The following FRMD5 variants were observed in gnomAD, a reference collection of about 807,000 sequenced individuals.
FRMD5 encodes FERM domain containing 5.
In FRMD5, 20 loss-of-function variants were observed where a neutral mutation model predicts 69.0. The observed-to-expected ratio is 0.29, with a 90% confidence interval of 0.20 to 0.42. The LOEUF is 0.42. Ranked by LOEUF, FRMD5 falls within the 10% of genes least tolerant of loss-of-function variation. FRMD5 has a pLI of 1.00. For missense variants in FRMD5, 595 were observed against 708.6 expected, an observed-to-expected ratio of 0.84 and a Z score of 1.82; for synonymous variants, 271 against 260.1, an observed-to-expected ratio of 1.04 and a Z score of -0.40.
In FRMD5 at chr15:44,130,832, T is replaced by C. The variant is rs142946165; in HGVS notation, c.102+64121A>G. ...TGACTCTGGCAAGCAGAAGCCAGCTTAGCATAAACTAGTTGGTGTTTACAT... is the reference window on the plus strand; with the variant it reads ...TGACTCTGGCAAGCAGAAGCCAGCTCAGCATAAACTAGTTGGTGTTTACAT... On this transcript the variant is annotated intron_variant, in intron 1 of 13. Transcript: ENST00000417257. Among the ~76,000 whole-genome samples, 47 of 152,276 alleles carry C rather than the reference T, an allele frequency of 3.1e-4. No homozygotes were observed. The East Asian group carries it at 8.5e-3, about 27-fold the overall frequency.
intron 1 of FRMD5, among the ~76,000 whole-genome samples, chr15:43,979,683 G>A (rs866858326): frequency 5.3e-5 from 8 of 152,258 alleles, no homozygotes; most frequent in Middle Eastern, 6.8e-3. Context: ...AAGTCCAAAT[G>A]AATTGTCATC....
intron 13 of FRMD5, among the ~76,000 whole-genome samples, chr15:43,877,314 A>G (rs1281995482): frequency 6.6e-6 from 1 of 152,230 alleles, no homozygotes; most frequent in Non-Finnish European, 1.5e-5. Flanking sequence ...GTTCAGGGCT[A>G]GCTCCAGAAG....
chr15:44,040,008 C>T (rs1467065070), intron 1 of FRMD5, among the ~76,000 whole-genome samples: 1 of 151,746 alleles, frequency 6.6e-6, no homozygotes, highest in Non-Finnish European at 1.5e-5. Context: ...AAAAACACAG[C>T]ACAAGAAGTG....
chr15:44,144,923 TAGG>T (rs762886745), intron 1 of FRMD5, among the ~76,000 whole-genome samples: 2 of 152,156 alleles, frequency 1.3e-5, no homozygotes, highest in Non-Finnish European at 2.9e-5. Flanking sequence ...GTATGCAGGA[TAGG>T]AGAAGAAAGG....
intron 1 of FRMD5, among the ~76,000 whole-genome samples, chr15:44,023,240 C>G (rs1891290352): frequency 1.3e-5 from 2 of 152,142 alleles, no homozygotes; most frequent in East Asian, 3.9e-4. Flanking sequence ...CATTTCCCCT[C>G]AATTTCCCCA....
chr15:44,003,672 C>T (rs1343016419), intron 1 of FRMD5, among the ~76,000 whole-genome samples: 4 of 152,156 alleles, frequency 2.6e-5, no homozygotes, highest in Non-Finnish European at 5.9e-5. Flanking sequence ...TTCAATCTCA[C>T]TTCAACAAGG....
chr15:44,148,553 G>A (rs555782339), intron 1 of FRMD5, among the ~76,000 whole-genome samples: 5 of 152,266 alleles, frequency 3.3e-5, no homozygotes, highest in African/African-American at 2.4e-5. Context: ...TTACAGGCGT[G>A]AGCCACCGTG....
At chr15:43,900,838 T>C (rs1259506742) in intron 7 of FRMD5, among the ~76,000 whole-genome samples, 1 of 151,938 alleles carries the variant, frequency 6.6e-6, no homozygotes, top group East Asian at 1.9e-4. Flanking sequence ...AGGATGGTCT[T>C]GAACTCCTGA....
chr15:44,188,678 C>A (rs765101657), intron 1 of FRMD5, among the ~76,000 whole-genome samples: 13 of 152,148 alleles, frequency 8.5e-5, no homozygotes, highest in Non-Finnish European at 1.5e-4. Context: ...ATTTTCCATG[C>A]TTTGAGAGGC....
intron 1 of FRMD5, among the ~76,000 whole-genome samples, chr15:44,186,171 C>G (rs2078097938): frequency 6.6e-6 from 1 of 152,322 alleles, no homozygotes; most frequent in South Asian, 2.1e-4. Flanking sequence ...AGGGGATCCA[C>G]CCACCTCGGC....
At chr15:43,949,009 T>A (rs2089987472) in intron 1 of FRMD5, among the ~76,000 whole-genome samples, 1 of 152,228 alleles carries the variant, frequency 6.6e-6, no homozygotes. Context: ...GAATCTAGAA[T>A]TTGGGGACCT....
chr15:43,959,032 G>A (rs2090157394), intron 1 of FRMD5, among the ~76,000 whole-genome samples: 1 of 152,126 alleles, frequency 6.6e-6, no homozygotes, highest in Non-Finnish European at 1.5e-5. Flanking sequence ...GCCTTCTCAA[G>A]CCTTAACACA....
chr15:43,979,108 C>T (rs1216285242), intron 1 of FRMD5, among the ~76,000 whole-genome samples: 3 of 151,936 alleles, frequency 2.0e-5, no homozygotes, highest in Admixed American at 6.6e-5. Flanking sequence ...GAGGCCGAGG[C>T]GGGCTGATCA....
intron 4 of FRMD5, among the ~76,000 whole-genome samples, chr15:43,913,020 C>G (rs1214142928): frequency 6.9e-5 from 9 of 129,500 alleles, no homozygotes; most frequent in Non-Finnish European, 1.6e-5. Context: ...CTGACGAGAG[C>G]AAAACTCCAT....
At chr15:43,972,178 C>G (rs952331563) in intron 1 of FRMD5, among the ~76,000 whole-genome samples, 6 of 151,402 alleles carry the variant, frequency 4.0e-5, no homozygotes, top group African/African-American at 4.8e-5. Flanking sequence ...TGTAGCAGAG[C>G]TCACACCTTG....
chr15:44,196,403 G>T (rs1035478595), upstream of FRMD5, among the ~76,000 whole-genome samples: 1 of 151,888 alleles, frequency 6.6e-6, no homozygotes, highest in African/African-American at 2.4e-5. Context: ...GGCAGAGGTT[G>T]CAGTGAACCA....
intron 1 of FRMD5, among the ~76,000 whole-genome samples, chr15:44,082,270 A>C (rs574852391): frequency 5.3e-5 from 8 of 151,946 alleles, no homozygotes; most frequent in Non-Finnish European, 1.2e-4. Flanking sequence ...TCTATCTGCT[A>C]ATCGAGAATA....
At chr15:43,935,432 C>T (rs1180708427) in intron 1 of FRMD5, among the ~76,000 whole-genome samples, 1 of 152,086 alleles carries the variant, frequency 6.6e-6, no homozygotes, top group Non-Finnish European at 1.5e-5. Context: ...TGCAGTGAGC[C>T]GAGATCGTGC....
At chr15:44,067,778 C>A (rs1427839746) in intron 1 of FRMD5, among the ~76,000 whole-genome samples, 1 of 151,962 alleles carries the variant, frequency 6.6e-6, no homozygotes, top group Non-Finnish European at 1.5e-5. Context: ...GCAGACACTA[C>A]CAAAAAAGTG....
Sources: allele counts gnomAD v4.1 joint callset (sites outside exome capture counted in the v4.1 genomes callset), GRCh38; gene constraint gnomAD v4.1.1; transcripts MANE v1.5; gene names NCBI Gene and HGNC (gene_info 2026-07-23, HGNC 2026-07-21).